Variants in MALRD1 observed in about 807,000 individuals in gnomAD.
MALRD1 encodes MAM and LDL receptor class A domain containing 1, also known as MAM and LDL-receptor class A domain-containing protein 1.
In MALRD1, 247 loss-of-function variants were observed where a neutral mutation model predicts 242.1. That is an observed-to-expected ratio of 1.02 (90% CI 0.92 to 1.13). The LOEUF is 1.13. Ranked by LOEUF, MALRD1 falls within the 50% of genes most tolerant of loss-of-function variation. MALRD1 has a pLI of 0.00. For synonymous variants in MALRD1, 995 were observed against 866.6 expected, an observed-to-expected ratio of 1.15 and a Z score of -2.60; for missense variants, 2,989 against 2,533.1, an observed-to-expected ratio of 1.18 and a Z score of -3.86.
intron 31 of MALRD1, among the ~76,000 whole-genome samples, chr10:19,500,262 A>G (rs1279528830): frequency 1.4e-4 from 21 of 152,166 alleles, no homozygotes; most frequent in Admixed American, 1.3e-3. Context: ...GCTCCCTTTC[A>G]CAAGCTTTTG....
rs944628219 is a variant in MALRD1 at position 19,673,107 on chromosome 10, G to A, written c.6138-19175G>A. 4.6e-5 allele frequency among the ~76,000 whole-genome samples: 7 copies of A among 151,994 alleles called. No individual in the cohort carries two copies. In the South Asian group the frequency reaches 6.2e-4, roughly 14 times the overall value. On this transcript the variant is annotated intron_variant, in intron 36 of 39. Coordinates refer to ENST00000454679, the MANE Select transcript of MALRD1 (RefSeq NM_001142308.3). ...TACAAATTTATTTGCCTTTGGTCGG[G>A]CGCAGTGGCTCACACCTGTAATCCC...
chr10:19,377,613 G>A (rs1260546779), intron 26 of MALRD1, among the ~76,000 whole-genome samples: 3 of 149,420 alleles, frequency 2.0e-5, no homozygotes, highest in African/African-American at 4.9e-5. Context: ...ACTAACAACT[G>A]AAAAGTATAA....
chr10:19,187,873 T>C (rs1835807095), intron 14 of MALRD1, among the ~76,000 whole-genome samples: 1 of 152,186 alleles, frequency 6.6e-6, no homozygotes. Flanking sequence ...ACCTGGGTTA[T>C]GGGATCTGTA....
At chr10:19,423,695 G>T (rs2130922886) in intron 28 of MALRD1, among the ~76,000 whole-genome samples, 1 of 152,210 alleles carries the variant, frequency 6.6e-6, no homozygotes, top group African/African-American at 2.4e-5. Flanking sequence ...GAAATTAGGG[G>T]ATTGAGTCCC....
At position 19,313,959 on chromosome 10, in the gene MALRD1, A is replaced by G. The variant is rs573969237; in HGVS notation, c.3420-9990A>G. 6.6e-5 allele frequency among the ~76,000 whole-genome samples: 10 copies of G among 151,650 alleles called. No individual in the cohort carries two copies. The East Asian group carries it at 1.7e-3, about 27-fold the overall frequency. ...TCATTTTTATTTCATGAGACTAGGA[A>G]AGAGAAATCTAAAAGCACTCTGATA... On this transcript the variant is annotated intron_variant, in intron 21 of 39. Transcript: ENST00000454679.
At chr10:19,049,990 C>G (rs1834436304) in intron 1 of MALRD1, among the ~76,000 whole-genome samples, 1 of 151,980 alleles carries the variant, frequency 6.6e-6, no homozygotes, top group East Asian at 1.9e-4. Flanking sequence ...TTACCAGGGG[C>G]TCATTGAGAG....
intron 12 of MALRD1, among the ~76,000 whole-genome samples, chr10:19,165,265 A>ATATATATATATATTTTTT: frequency 1.5e-5 from 2 of 130,284 alleles, no homozygotes; most frequent in African/African-American, 6.5e-5. Context: ...ATATATATAT[A>ATATATATATATATTTTTT]TTTTGTTTTG....
At chr10:19,330,278 C>T (rs571988845) in intron 23 of MALRD1, among the ~76,000 whole-genome samples, 20 of 151,200 alleles carry the variant, frequency 1.3e-4, no homozygotes, top group Admixed American at 2.6e-4. Context: ...TTCAATTATT[C>T]CAACCTCTCA....
rs58034381 is a variant in MALRD1 at position 19,163,137 on chromosome 10, T to TAAAAAAAAAAAAAAAA, written c.1657-2487_1657-2472dup. On this transcript the variant is annotated intron_variant, in intron 12 of 39. Coordinates refer to ENST00000454679, the MANE Select transcript of MALRD1 (RefSeq NM_001142308.3). ...TGAACAACTGGAGTGAAACCCTGTCTAAAAAAAAAAAAAAAAAAAAAAAAA... is the reference window on the plus strand; with the variant it reads ...TGAACAACTGGAGTGAAACCCTGTCTAAAAAAAAAAAAAAAAAAAAAAAAAAAAAAAAAAAAAAAAA... Among the ~76,000 whole-genome samples the TAAAAAAAAAAAAAAAA allele has an allele frequency of 1.3e-3, 59 of 43,842 alleles. 2 individuals carry two copies. Among genetic ancestry groups the TAAAAAAAAAAAAAAAA allele is most frequent in the East Asian group, 6.9e-3 (7 of 1,008 alleles). The allele number at this position is 43,842 out of a possible 152,430, so 28.8% of individuals were successfully genotyped here.
intron 18 of MALRD1, among the ~76,000 whole-genome samples, chr10:19,216,931 G>C (rs956041395): frequency 4.1e-5 from 6 of 147,648 alleles, no homozygotes; most frequent in Non-Finnish European, 1.5e-5. Context: ...GGGTGACAGA[G>C]CGAGACTCCG....
chr10:19,732,540 G>C (rs1297770399), intron 39 of MALRD1, among the ~76,000 whole-genome samples: 1 of 152,194 alleles, frequency 6.6e-6, no homozygotes, highest in Non-Finnish European at 1.5e-5. Context: ...TGGCATTACA[G>C]GCGTGAGCCA....
chr10:19,166,800 T>G (rs1197534754), intron 13 of MALRD1, among the ~76,000 whole-genome samples: 4 of 152,192 alleles, frequency 2.6e-5, no homozygotes, highest in Non-Finnish European at 5.9e-5. Context: ...GTCTTCTGGA[T>G]GACATTTGAA....
intron 14 of MALRD1, among the ~76,000 whole-genome samples, chr10:19,187,095 TACTC>T (rs1835771903): frequency 6.6e-6 from 1 of 152,208 alleles, no homozygotes; most frequent in Admixed American, 6.5e-5. Context: ...GTAGTATAAA[TACTC>T]ACATGCTTAC....
chr10:19,047,416 G>C (rs1467815576), upstream of MALRD1, among the ~76,000 whole-genome samples: 2 of 151,518 alleles, frequency 1.3e-5, no homozygotes, highest in Non-Finnish European at 2.9e-5. Flanking sequence ...GTGCATATCA[G>C]GATTGTAGAA....
At chr10:19,416,507 A>C (rs564093234) in intron 28 of MALRD1, among the ~76,000 whole-genome samples, 1 of 152,148 alleles carries the variant, frequency 6.6e-6, no homozygotes, top group Admixed American at 6.6e-5. Flanking sequence ...CATCTGCTCA[A>C]ATATATTCAG....
chr10:19,119,879 T>A (rs892515498), intron 5 of MALRD1, among the ~76,000 whole-genome samples: 1 of 152,116 alleles, frequency 6.6e-6, no homozygotes, highest in Non-Finnish European at 1.5e-5. Context: ...AAGGACAGCT[T>A]GGAAGTTAGA....
intron 33 of MALRD1, among the ~76,000 whole-genome samples, chr10:19,570,296 G>T (rs572092925): frequency 6.6e-6 from 1 of 151,976 alleles, no homozygotes; most frequent in Middle Eastern, 3.4e-3. Context: ...CTCAGACTGG[G>T]GTATACAGAT....
At chr10:19,231,700 T>G (rs996809762) in intron 18 of MALRD1, among the ~76,000 whole-genome samples, 1 of 152,180 alleles carries the variant, frequency 6.6e-6, no homozygotes, top group African/African-American at 2.4e-5. Context: ...TCCCCAGCCA[T>G]GTGGAACTGT....
chr10:19,070,836 CTTTTTTTTTTTTTTT>C lies in MALRD1; in HGVS notation c.340+3993_340+4007del, dbSNP rs3042437. Among the ~76,000 whole-genome samples, 39 of 52,476 alleles carry C rather than the reference CTTTTTTTTTTTTTTT, an allele frequency of 7.4e-4. 1 individual carries two copies. Among genetic ancestry groups the C allele is most frequent in the South Asian group, 1.1e-3 (1 of 892 alleles). The allele number at this position is 52,476 out of a possible 152,430, so 34.4% of individuals were successfully genotyped here. ...AAGTTGCATAGACTCAAATGACAAA[CTTTTTTTTTTTTTTT>C]TTTTTTTTTTTTTTTCCGGAGACAC... On this transcript the variant is annotated intron_variant, in intron 2 of 39. Transcript: ENST00000454679.
Sources: allele counts gnomAD v4.1 joint callset (sites outside exome capture counted in the v4.1 genomes callset), GRCh38; gene constraint gnomAD v4.1.1; transcripts MANE v1.5; gene names NCBI Gene and HGNC (gene_info 2026-07-23, HGNC 2026-07-21).